Variants in UTRN observed in about 807,000 individuals in gnomAD.
The protein encoded by UTRN is dystrophin-related protein 1.
UTRN carries 283 observed loss-of-function variants against 463.9 expected under a neutral mutation model. The ratio of observed to expected loss-of-function variants is 0.61; its 90% CI spans 0.55 to 0.67. The LOEUF (loss-of-function observed/expected upper bound fraction) is 0.67. Among genes scored for constraint, UTRN ranks in the 30% least tolerant of loss-of-function variants. The probability of loss-of-function intolerance (pLI) is 0.00; values close to 1 mark genes in which losing one functional copy is unlikely to be tolerated. For synonymous variants in UTRN, 1,442 were observed against 1,431.5 expected, an observed-to-expected ratio of 1.01 and a Z score of -0.17; for missense variants, 3,922 against 4,084.3, an observed-to-expected ratio of 0.96 and a Z score of 1.08.
chr6:144,308,750 C>G (rs1805979289), intron 2 of UTRN, among the ~76,000 whole-genome samples: 1 of 152,202 alleles, frequency 6.6e-6, no homozygotes, highest in African/African-American at 2.4e-5. Context: ...CACCTCCCTT[C>G]TCTCTTCTGC....
In UTRN at chr6:144,768,968, T is replaced by TG. The variant is rs202174445; in HGVS notation, c.8496-2939_8496-2938insG. 8.3e-4 allele frequency among the ~76,000 whole-genome samples: 125 copies of TG among 151,260 alleles called. 1 individual carries two copies. In the East Asian group the frequency reaches 0.019, roughly 24 times the overall value. Reference sequence around the variant, plus strand: ...TTTTTGTTTTGTTTTGTTTTTTTTTTTTTAATTTTATTCTTGGATAGATTC... The same window carrying TG: ...TTTTTGTTTTGTTTTGTTTTTTTTTTGTTTAATTTTATTCTTGGATAGATTC... On this transcript the variant is annotated intron_variant, in intron 58 of 74. Coordinates refer to ENST00000367545, the MANE Select transcript of UTRN (RefSeq NM_007124.3).
Position 144,797,932 on chromosome 6 carries a change from A to G in UTRN, c.9187A>G (p.Thr3063Ala). The change falls in exon 64 of 75, where the codon ACT becomes GCT. Residue 3063 changes from threonine to alanine, a missense_variant. By Grantham distance (58) the Thr-to-Ala change is moderately conservative. Around this residue, in one of 3 missense-constraint regions of UTRN, gnomAD observed 1,309 missense variants for 1,452.6 expected, o/e 0.90. Coordinates refer to ENST00000367545, the MANE Select transcript of UTRN (RefSeq NM_007124.3). ...PVLHRVAAAE[T>A]AKHQAKCNIC... ...TTTACATCGAGTGGCAGCAGCGGAG[A>G]CTGCAAAACATCAGGCCAAATGCAA... 1 of 1,614,182 alleles carries G rather than the reference A, an allele frequency of 6.2e-7. No individual in the cohort carries two copies. Among genetic ancestry groups the G allele is most frequent in the South Asian group, 1.1e-5 (1 of 91,082 alleles).
intron 52 of UTRN, among the ~76,000 whole-genome samples, chr6:144,685,864 C>G (rs1405369975): frequency 6.6e-6 from 1 of 152,002 alleles, no homozygotes; most frequent in African/African-American, 2.4e-5. Flanking sequence ...TTGATTATTT[C>G]TTTTGCTGTG....
intron 51 of UTRN, among the ~76,000 whole-genome samples, chr6:144,588,548 C>T (rs936975555): frequency 3.3e-5 from 5 of 152,018 alleles, no homozygotes; most frequent in Non-Finnish European, 7.4e-5. Flanking sequence ...AATAGAAGGT[C>T]CTTCTGAGAT....
intron 63 of UTRN, among the ~76,000 whole-genome samples, chr6:144,795,863 GTTTTTGTTTGT>G (rs1777167315): frequency 1.3e-5 from 2 of 151,526 alleles, no homozygotes; most frequent in African/African-American, 4.8e-5. Flanking sequence ...TTGTTGTTTT[GTTTTTGTTTGT>G]TTTTTGTTTG....
rs756283246 is a variant in UTRN at position 144,435,896 on chromosome 6, G to A, written c.856-39G>A. On this transcript the variant is annotated intron_variant, in intron 9 of 74. Transcript: ENST00000367545. ...GAGTTTGCTGAACACCTCTTGCTTT[G>A]ATGATTAGTGTGGGTTTTTCTTGGC... The A allele has an allele frequency of 2.2e-5, 35 of 1,603,940 alleles. No homozygotes were observed. In the South Asian group the frequency reaches 3.9e-4, roughly 18 times the overall value.
At chr6:144,640,456 A>C (rs1777652344) in intron 51 of UTRN, among the ~76,000 whole-genome samples, 1 of 152,190 alleles carries the variant, frequency 6.6e-6, no homozygotes, top group South Asian at 2.1e-4. Flanking sequence ...CGTCTTCCTA[A>C]ACTGATATCG....
chr6:144,532,824 T>C (rs2128602636), intron 42 of UTRN, among the ~76,000 whole-genome samples: 1 of 152,340 alleles, frequency 6.6e-6, no homozygotes, highest in Non-Finnish European at 1.5e-5. Flanking sequence ...TTCATTTTAG[T>C]TATTAAGCTG....
At chr6:144,333,438 A>T (rs1357001232) in intron 2 of UTRN, 1 of 152,188 alleles carries the variant, frequency 6.6e-6, no homozygotes, top group African/African-American at 2.4e-5. Flanking sequence ...CATTTTCCAT[A>T]ACATATTATG....
intron 58 of UTRN, among the ~76,000 whole-genome samples, chr6:144,763,016 T>G (rs1468157534): frequency 6.6e-6 from 1 of 152,196 alleles, no homozygotes; most frequent in Non-Finnish European, 1.5e-5. Flanking sequence ...CATCACAATT[T>G]AACAATTCTA....
intron 74 of UTRN, among the ~76,000 whole-genome samples, chr6:144,847,364 A>C (rs953899546): frequency 6.6e-6 from 1 of 152,136 alleles, no homozygotes. Flanking sequence ...AAGAGAGATA[A>C]ATTTCATTAG....
At chr6:144,652,167 T>C (rs1447020086) in intron 51 of UTRN, among the ~76,000 whole-genome samples, 1 of 152,222 alleles carries the variant, frequency 6.6e-6, no homozygotes, top group African/African-American at 2.4e-5. Flanking sequence ...CCTTCTACTG[T>C]GGCTTAACTT....
chr6:144,602,914 G>A (rs1472629947), intron 51 of UTRN, among the ~76,000 whole-genome samples: 1 of 152,202 alleles, frequency 6.6e-6, no homozygotes, highest in Non-Finnish European at 1.5e-5. Flanking sequence ...GTAGTTTAGT[G>A]TAAAATAGCT....
At chr6:144,559,966 A>C (rs996504153) in intron 50 of UTRN, among the ~76,000 whole-genome samples, 12 of 152,100 alleles carry the variant, frequency 7.9e-5, no homozygotes, top group Non-Finnish European at 1.5e-4. Flanking sequence ...AAGAATTGGC[A>C]GTAAATTTAT....
chr6:144,691,733 A>G (rs9376841), intron 52 of UTRN, among the ~76,000 whole-genome samples: 15,156 of 152,160 alleles, frequency 0.1, 1,294 homozygotes, highest in East Asian at 0.48. Context: ...CTAGTGTTGC[A>G]CTAGAAAGTG....
At chr6:144,601,578 T>G (rs999724933) in intron 51 of UTRN, among the ~76,000 whole-genome samples, 4 of 152,146 alleles carry the variant, frequency 2.6e-5, no homozygotes, top group Non-Finnish European at 4.4e-5. Context: ...TTGCCTCTAA[T>G]GGATGAGCAA....
chr6:144,526,199 A>T (rs1431374727), intron 41 of UTRN, among the ~76,000 whole-genome samples: 1 of 152,136 alleles, frequency 6.6e-6, no homozygotes, highest in Non-Finnish European at 1.5e-5. Flanking sequence ...TGTTAAGTCC[A>T]TTTGTTCTAG....
chr6:144,652,707 A>C (rs921395999), intron 51 of UTRN, among the ~76,000 whole-genome samples: 2 of 152,226 alleles, frequency 1.3e-5, no homozygotes, highest in African/African-American at 2.4e-5. Context: ...TTAGACACAA[A>C]GTTGTCCTTT....
chr6:144,330,499 A>T (rs1776259970), intron 2 of UTRN, among the ~76,000 whole-genome samples: 1 of 152,136 alleles, frequency 6.6e-6, no homozygotes, highest in Non-Finnish European at 1.5e-5. Flanking sequence ...ATAAAAACAA[A>T]TTTTTCTAAA....
Sources: allele counts gnomAD v4.1 joint callset (sites outside exome capture counted in the v4.1 genomes callset), GRCh38; gene constraint gnomAD v4.1.1; regional missense constraint gnomAD v4.1.1; transcripts MANE v1.5; gene names NCBI Gene and HGNC (gene_info 2026-07-23, HGNC 2026-07-21).